Variants in MMP26 observed in about 807,000 individuals in gnomAD.
MMP26 encodes matrix metalloproteinase-26.
A neutral mutation model predicts 31.0 loss-of-function variants in MMP26; 33 were observed. The ratio of observed to expected loss-of-function variants is 1.06; its 90% confidence interval spans 0.81 to 1.42. The LOEUF is 1.42. MMP26 is among the 40% of genes most tolerant of loss of function. The probability of loss-of-function intolerance (pLI) is 0.00; values close to 1 mark genes in which losing one functional copy is unlikely to be tolerated. For missense variants in MMP26, 347 were observed against 316.1 expected, an observed-to-expected ratio of 1.10 and a Z score of -0.74; for synonymous variants, 122 against 114.9, an observed-to-expected ratio of 1.06 and a Z score of -0.40.
intron 2 of MMP26, among the ~76,000 whole-genome samples, chr11:4,808,220 G>A (rs1046017862): frequency 2.6e-5 from 4 of 151,988 alleles, no homozygotes; most frequent in African/African-American, 4.8e-5. Flanking sequence ...ACTAAGTATC[G>A]AGGTGCATGA....
intron 2 of MMP26, among the ~76,000 whole-genome samples, chr11:4,906,570 A>G (rs1850892364): frequency 6.6e-6 from 1 of 152,200 alleles, no homozygotes; most frequent in African/African-American, 2.4e-5. Flanking sequence ...TATTTACTTT[A>G]TAGCATCTAA....
chr11:4,923,385 A>C, intron 2 of MMP26: 1 of 1,548,226 alleles, frequency 6.5e-7, no homozygotes, highest in Non-Finnish European at 8.7e-7. Flanking sequence ...TAATCCTTCC[A>C]AAAACACCTA....
intron 1 of MMP26, among the ~76,000 whole-genome samples, chr11:4,719,804 T>C (rs1847986603): frequency 6.6e-6 from 1 of 152,176 alleles, no homozygotes. Flanking sequence ...AGATGAATCA[T>C]TTTCAAAGAC....
intron 2 of MMP26, among the ~76,000 whole-genome samples, chr11:4,961,929 C>T (rs1272396174): frequency 6.6e-6 from 1 of 152,088 alleles, no homozygotes; most frequent in Non-Finnish European, 1.5e-5. Flanking sequence ...AAATCATTTG[C>T]CTTTAATATG....
chr11:4,805,393 T>C (rs1463976428), intron 2 of MMP26, among the ~76,000 whole-genome samples: 1 of 152,232 alleles, frequency 6.6e-6, no homozygotes, highest in Non-Finnish European at 1.5e-5. Context: ...GCCTATACTG[T>C]CTGTTGCAGC....
At chr11:4,914,552 CT>C (rs949372408) in intron 2 of MMP26, 35 of 566,980 alleles carry the variant, frequency 6.2e-5, no homozygotes, top group South Asian at 1.0e-4. Flanking sequence ...TTACCCCCCC[CT>C]GCCCTGGCCA....
intron 2 of MMP26, chr11:4,973,331 T>A (rs956645015): frequency 1.3e-5 from 2 of 153,226 alleles, no homozygotes; most frequent in African/African-American, 2.4e-5. Context: ...TTTCATGACA[T>A]CTTGATGGAG....
intron 2 of MMP26, among the ~76,000 whole-genome samples, chr11:4,812,678 G>A (rs61880859): frequency 0.081 from 12,255 of 152,176 alleles, 621 homozygotes; most frequent in South Asian, 0.21. Flanking sequence ...CATAAGATAC[G>A]CATAGAGTAG....
At chr11:4,989,627 A>T in intron 3 of MMP26, 21 bp from the exon 4 acceptor site, 3 of 1,594,998 alleles carry the variant, frequency 1.9e-6, no homozygotes, top group Non-Finnish European at 2.6e-6. Context: ...CTTAGTACTC[A>T]TCCTTCTTGA....
At chr11:4,825,594 G>A (rs1315936653) in intron 2 of MMP26, among the ~76,000 whole-genome samples, 39 of 152,076 alleles carry the variant, frequency 2.6e-4, no homozygotes, top group Admixed American at 2.6e-3. Context: ...GATGTTTTAG[G>A]TAAAAATGGA....
chr11:4,786,505 T>G (rs1272042156), intron 2 of MMP26, among the ~76,000 whole-genome samples: 1 of 120,774 alleles, frequency 8.3e-6, no homozygotes, highest in African/African-American at 2.9e-5. Flanking sequence ...TTTTTTTTTT[T>G]TTTTTTTTTT....
intron 2 of MMP26, among the ~76,000 whole-genome samples, chr11:4,975,087 C>G (rs1031066785): frequency 6.6e-6 from 1 of 151,934 alleles, no homozygotes; most frequent in Non-Finnish European, 1.5e-5. Flanking sequence ...ACCTGCATGT[C>G]CTGCACATGT....
intron 1 of MMP26, chr11:4,722,683 T>G: frequency 1.4e-6 from 1 of 720,160 alleles, no homozygotes. Flanking sequence ...CTCCCTCCTG[T>G]GCTTTCCCGC....
chr11:4,764,375 C>T (rs1333493626), intron 1 of MMP26, among the ~76,000 whole-genome samples: 2 of 152,072 alleles, frequency 1.3e-5, no homozygotes, highest in East Asian at 1.9e-4. Context: ...TTGGCTAGTT[C>T]TTTGGCAAAA....
At chr11:4,769,624 G>A (rs772356383) in intron 2 of MMP26, 1 of 1,606,108 alleles carries the variant, frequency 6.2e-7, no homozygotes, top group South Asian at 1.1e-5. Context: ...GGACAATGCA[G>A]CTATATAGAC....
intron 1 of MMP26, among the ~76,000 whole-genome samples, chr11:4,758,429 A>C (rs915649000): frequency 1.3e-5 from 2 of 151,084 alleles, no homozygotes; most frequent in Non-Finnish European, 3.0e-5. Flanking sequence ...TGAGCTATAT[A>C]GAATAAAAGG....
chr11:4,743,867 A>T (rs976827488), intron 1 of MMP26, among the ~76,000 whole-genome samples: 1 of 152,148 alleles, frequency 6.6e-6, no homozygotes, highest in African/African-American at 2.4e-5. Flanking sequence ...GTGTATTGGC[A>T]CGATCATAGC....
intron 2 of MMP26, among the ~76,000 whole-genome samples, chr11:4,852,210 A>G (rs1340668756): frequency 2.0e-5 from 3 of 151,960 alleles, no homozygotes; most frequent in Non-Finnish European, 4.4e-5. Context: ...ATGAACCAAA[A>G]CTGATAAAAT....
In MMP26 at chr11:4,769,482, T is replaced by C. The variant is rs753769597; in HGVS notation, c.-145+2141T>C. The C allele has an allele frequency of 4.3e-6, 7 of 1,613,764 alleles. No homozygotes were observed. The South Asian group carries it at 7.7e-5, about 18-fold the overall frequency. Reference sequence around the variant, plus strand: ...GCACGTGTAATCATCAGAAGACCCATTTGAATGATTCTGGAATTAGTGAGA... The same window carrying C: ...GCACGTGTAATCATCAGAAGACCCACTTGAATGATTCTGGAATTAGTGAGA... On this transcript the variant is annotated intron_variant, in intron 2 of 7. Transcript: ENST00000380390.
Sources: allele counts gnomAD v4.1 joint callset (sites outside exome capture counted in the v4.1 genomes callset), GRCh38; gene constraint gnomAD v4.1.1; transcripts MANE v1.5; gene names NCBI Gene and HGNC (gene_info 2026-07-23, HGNC 2026-07-21).